Variants in ELAVL2 observed in about 807,000 individuals in gnomAD.
The protein encoded by ELAVL2 is ELAV-like protein 2.
In ELAVL2, 4 loss-of-function variants were observed where a neutral mutation model predicts 34.6. That is an observed-to-expected ratio of 0.12 (90% CI 0.06 to 0.26). ELAVL2 has a LOEUF of 0.26. ELAVL2 is among the 10% of genes least tolerant of loss of function. ELAVL2 has a pLI of 1.00. For synonymous variants in ELAVL2, 193 were observed against 154.8 expected (o/e 1.25, Z -1.83); for missense variants, 432 against 442.8 (o/e 0.98, Z 0.22).
intron 1 of ELAVL2, among the ~76,000 whole-genome samples, chr9:23,787,706 C>T (rs552822097): frequency 2.0e-5 from 3 of 152,096 alleles, no homozygotes; most frequent in African/African-American, 7.2e-5. Flanking sequence ...TCACCCCAGA[C>T]CAATTAAATA....
At chr9:23,786,003 C>CT (rs1212213231) in intron 1 of ELAVL2, among the ~76,000 whole-genome samples, 1 of 152,008 alleles carries the variant, frequency 6.6e-6, no homozygotes, top group Non-Finnish European at 1.5e-5. Flanking sequence ...CCTGACTGGT[C>CT]TTCACTGATG....
At chr9:23,724,432 C>T (rs2044554815) in intron 3 of ELAVL2, among the ~76,000 whole-genome samples, 1 of 151,226 alleles carries the variant, frequency 6.6e-6, no homozygotes, top group Non-Finnish European at 1.5e-5. Context: ...CACAAGAGGC[C>T]TGAGGACAGG....
At chr9:23,722,884 C>T (rs957455186) in intron 3 of ELAVL2, among the ~76,000 whole-genome samples, 3 of 152,166 alleles carry the variant, frequency 2.0e-5, no homozygotes, top group Admixed American at 1.3e-4. Context: ...AGGGCTCCTT[C>T]TTGGGAAGTT....
chr9:23,754,569 C>T (rs1306721697), intron 2 of ELAVL2, among the ~76,000 whole-genome samples: 1 of 152,084 alleles, frequency 6.6e-6, no homozygotes, highest in African/African-American at 2.4e-5. Context: ...AGCAATTCTC[C>T]CACCTCAGCC....
chr9:23,760,480 C>A (rs2135962815), intron 2 of ELAVL2, among the ~76,000 whole-genome samples: 1 of 151,968 alleles, frequency 6.6e-6, no homozygotes, highest in South Asian at 2.1e-4. Flanking sequence ...TGTTGTTTTA[C>A]TTTAAAAACA....
intron 2 of ELAVL2, among the ~76,000 whole-genome samples, chr9:23,759,467 T>C (rs1165959609): frequency 2.0e-5 from 3 of 151,576 alleles, no homozygotes; most frequent in East Asian, 3.9e-4. Context: ...TTAAAAGAAA[T>C]AAGTTCTGGT....
intron 2 of ELAVL2, among the ~76,000 whole-genome samples, chr9:23,739,132 G>T (rs2048557481): frequency 6.6e-6 from 1 of 152,162 alleles, no homozygotes; most frequent in Admixed American, 6.5e-5. Flanking sequence ...CCAGGAAGAT[G>T]AGGAAAAATT....
chr9:23,752,112 CAA>C (rs1175638688), intron 2 of ELAVL2, among the ~76,000 whole-genome samples: 1 of 152,026 alleles, frequency 6.6e-6, no homozygotes, highest in African/African-American at 2.4e-5. Context: ...GGGGGAAAAA[CAA>C]AAGTCTGCAA....
chr9:23,817,848 A>G (rs921435092), intron 1 of ELAVL2, among the ~76,000 whole-genome samples: 3 of 152,214 alleles, frequency 2.0e-5, no homozygotes, highest in Admixed American at 1.3e-4. Flanking sequence ...TCAGACTCCA[A>G]AAGTTATCAT....
At chr9:23,760,285 T>C (rs561788956) in intron 2 of ELAVL2, among the ~76,000 whole-genome samples, 1 of 152,124 alleles carries the variant, frequency 6.6e-6, no homozygotes, top group South Asian at 2.1e-4. Context: ...ATAAAATGTA[T>C]CATTTCGTAA....
intron 2 of ELAVL2, among the ~76,000 whole-genome samples, chr9:23,758,050 A>C (rs973462562): frequency 6.6e-6 from 1 of 152,110 alleles, no homozygotes; most frequent in African/African-American, 2.4e-5. Context: ...TTTTCCTGTA[A>C]CCCAATTAAC....
At position 23,717,582 on chromosome 9, in the gene ELAVL2, T is replaced by C. The variant is rs112656474; in HGVS notation, c.334-12511A>G. ...TGCTTTTGAATGAGACATTCCCTTA[T>C]GTGTAATACATTTCTTCTTTTTCCG... is the stretch of plus-strand genomic sequence containing the variant. On this transcript the variant is annotated intron_variant, in intron 3 of 6. Transcript: ENST00000397312. Among the ~76,000 whole-genome samples the C allele has an allele frequency of 1.8e-4, 27 of 152,360 alleles. 1 individual carries two copies. The highest frequency in any genetic ancestry group is 5.8e-4 in the African/African-American group (24 of 41,588).
At chr9:23,740,418 ACAAT>A (rs2048889255) in intron 2 of ELAVL2, among the ~76,000 whole-genome samples, 1 of 152,192 alleles carries the variant, frequency 6.6e-6, no homozygotes, top group Non-Finnish European at 1.5e-5. Context: ...TTTCCACACT[ACAAT>A]CAACCTTTCC....
At chr9:23,847,334 T>A in the ELAVL2 span, 1 of 152,040 alleles carries the variant, frequency 6.6e-6, no homozygotes, top group Non-Finnish European at 1.5e-5. Flanking sequence ...ACCCATTAGA[T>A]AACCTGGCTG....
chr9:23,789,515 G>A (rs1284674196), intron 1 of ELAVL2, among the ~76,000 whole-genome samples: 1 of 152,136 alleles, frequency 6.6e-6, no homozygotes, highest in Non-Finnish European at 1.5e-5. Flanking sequence ...TTTCTCAAAA[G>A]AATCCACACA....
intron 1 of ELAVL2, among the ~76,000 whole-genome samples, chr9:23,815,736 A>C (rs1373960937): frequency 6.6e-6 from 1 of 152,104 alleles, no homozygotes; most frequent in Non-Finnish European, 1.5e-5. Flanking sequence ...CTAGCCTACT[A>C]TTTTCCACCT....
At chr9:23,746,033 G>T (rs940060027) in intron 2 of ELAVL2, among the ~76,000 whole-genome samples, 2 of 151,912 alleles carry the variant, frequency 1.3e-5, no homozygotes, top group Admixed American at 6.6e-5. Flanking sequence ...TGACTTGGAA[G>T]GGAGGATCGG....
chr9:23,844,220 G>A, the ELAVL2 span, among the ~76,000 whole-genome samples: 14 of 151,932 alleles, frequency 9.2e-5, no homozygotes, highest in African/African-American at 3.4e-4. Context: ...ATCTCACTAC[G>A]TTATAACCAT....
At chr9:23,741,259 T>C (rs139069611) in intron 2 of ELAVL2, among the ~76,000 whole-genome samples, 3 of 152,068 alleles carry the variant, frequency 2.0e-5, no homozygotes, top group African/African-American at 7.2e-5. Flanking sequence ...ACGTAAGGCA[T>C]CTATGTAGAG....
Sources: allele counts gnomAD v4.1 joint callset (sites outside exome capture counted in the v4.1 genomes callset), GRCh38; gene constraint gnomAD v4.1.1; transcripts MANE v1.5; gene names NCBI Gene and HGNC (gene_info 2026-07-23, HGNC 2026-07-21).